The following VPS37A variants were observed in gnomAD, a reference collection of about 807,000 sequenced individuals.
VPS37A encodes VPS37A subunit of ESCRT-I, also known as vacuolar protein sorting-associated protein 37A.
In VPS37A, 30 loss-of-function variants were observed where a neutral mutation model predicts 49.8. The observed-to-expected ratio is 0.60, with a 90% confidence interval of 0.45 to 0.82. The LOEUF is 0.82. Ranked by LOEUF, VPS37A falls within the 40% of genes least tolerant of loss-of-function variation. The probability of loss-of-function intolerance (pLI) is 0.00; values close to 1 mark genes in which losing one functional copy is unlikely to be tolerated. For missense variants in VPS37A, 593 were observed against 464.4 expected (o/e 1.28, Z -2.55); for synonymous variants, 195 against 160.6 (o/e 1.21, Z -1.62).
At chr8:17,279,177 C>T (rs545945996) in intron 6 of VPS37A, among the ~76,000 whole-genome samples, 12 of 152,178 alleles carry the variant, frequency 7.9e-5, no homozygotes, top group African/African-American at 1.2e-4. Flanking sequence ...GCTTATGTGC[C>T]GTGTCTTACT....
downstream of VPS37A, chr8:17,299,970 G>A (rs146319076): frequency 8.1e-6 from 13 of 1,613,882 alleles, 1 homozygote; most frequent in South Asian, 7.7e-5. Flanking sequence ...CCTCCACCCC[G>A]GACTCTTGGT....
At chr8:17,306,032 C>A, downstream of VPS37A, 1 of 1,203,098 alleles carries the variant, frequency 8.3e-7, no homozygotes, top group South Asian at 1.5e-5. Flanking sequence ...GCAAAAACAA[C>A]CATAAAAGCA....
intron 2 of VPS37A, among the ~76,000 whole-genome samples, chr8:17,267,467 T>TTG (rs10688047): frequency 9.1e-4 from 138 of 151,308 alleles, no homozygotes; most frequent in African/African-American, 2.9e-3. Flanking sequence ...AAATTTCTGC[T>TTG]TGTGTGTGTG....
chr8:17,313,232 A>AT, the VPS37A span: 20 of 1,300,528 alleles, frequency 1.5e-5, no homozygotes, highest in African/African-American at 2.9e-4. Flanking sequence ...AGGGATACCC[A>AT]TTTTGAAGTC....
In VPS37A at chr8:17,268,267, T is replaced by G; in HGVS notation, c.210T>G (p.Pro70=). The change falls in exon 3 of 12, where the codon CCT becomes CCG. Residue 70 remains proline (P), a synonymous_variant. Transcript: ENST00000324849. ...GTTCTACCTCTACCAGATTGCTTCCTCCACAGTTTCCTCAGGAAAAACCAG... is the reference window on the plus strand; with the variant it reads ...GTTCTACCTCTACCAGATTGCTTCCGCCACAGTTTCCTCAGGAAAAACCAG... ...NLTININILL[P]PQFPQEKPVI... is the part of the protein sequence containing the mutation. 6.2e-7 allele frequency: 1 copy of G among 1,611,930 alleles called. No homozygotes were observed.
At chr8:17,316,198 T>TGGTACAGTTTG in the VPS37A span, among the ~76,000 whole-genome samples, 1 of 152,124 alleles carries the variant, frequency 6.6e-6, no homozygotes, top group Non-Finnish European at 1.5e-5. Flanking sequence ...ATGGTAATAA[T>TGGTACAGTTTG]AGCCTCTGTA....
intron 11 of VPS37A, among the ~76,000 whole-genome samples, chr8:17,294,370 G>A (rs1372093742): frequency 1.3e-5 from 2 of 152,180 alleles, no homozygotes; most frequent in Non-Finnish European, 2.9e-5. Flanking sequence ...TCAAGCCAGT[G>A]GATCTTAGCT....
At chr8:17,302,203 A>G (rs1184742600), downstream of VPS37A, 4 of 1,613,934 alleles carry the variant, frequency 2.5e-6, no homozygotes, top group Non-Finnish European at 3.4e-6. Context: ...TTCTTCCTTC[A>G]CTGCCATTAG....
chr8:17,310,490 C>T, the VPS37A span, among the ~76,000 whole-genome samples: 1 of 152,118 alleles, frequency 6.6e-6, no homozygotes, highest in Admixed American at 6.5e-5. Context: ...ATGATGGAAA[C>T]GCATGTGTGC....
In VPS37A at chr8:17,297,007, G is replaced by C. The variant is rs936635703; in HGVS notation, c.*2021G>C. The C allele has an allele frequency of 4.6e-5, 7 of 152,062 alleles. No individual in the cohort carries two copies. Among genetic ancestry groups the C allele is most frequent in the Non-Finnish European group, 5.9e-5 (4 of 67,978 alleles). The allele number at this position is 152,062 out of a possible 1,614,324, so 9.4% of individuals were successfully genotyped here. A position where few individuals can be genotyped will look rare whatever the true frequency, so the allele number is the denominator to read the frequency against. On this transcript the variant is annotated 3_prime_UTR_variant, in exon 12 of 12. Coordinates refer to ENST00000324849, the MANE Select transcript of VPS37A (RefSeq NM_152415.3). ...CATTTGAATATGCCCGTATGAATGT[G>C]GGTTCTGTTTTTGCAACAGAGATTA...
chr8:17,305,654 A>G, downstream of VPS37A: 2 of 972,014 alleles, frequency 2.1e-6, no homozygotes, highest in Non-Finnish European at 3.1e-6. Flanking sequence ...TAGGTATGTG[A>G]CTAAATGAAA....
the VPS37A span, among the ~76,000 whole-genome samples, chr8:17,327,437 A>ATT: frequency 4.2e-4 from 63 of 151,260 alleles, no homozygotes; most frequent in Admixed American, 3.2e-3. Flanking sequence ...CGCCTGGTTG[A>ATT]TTTTTTTTAT....
At chr8:17,332,611 C>T in the VPS37A span, among the ~76,000 whole-genome samples, 4 of 152,148 alleles carry the variant, frequency 2.6e-5, no homozygotes, top group South Asian at 2.1e-4. Context: ...GAGCTGCTGC[C>T]GCTGCTGCTG....
chr8:17,272,029 G>A (rs1331874057), intron 4 of VPS37A: 5 of 456,582 alleles, frequency 1.1e-5, no homozygotes, highest in Non-Finnish European at 2.2e-5. Flanking sequence ...CGCACTGCCT[G>A]GAAATCTCCT....
At chr8:17,305,730 A>T (rs1253999813), downstream of VPS37A, 1 of 1,555,742 alleles carries the variant, frequency 6.4e-7, no homozygotes, top group Non-Finnish European at 8.8e-7. Flanking sequence ...AATAAAAGTT[A>T]AACACCAAAA....
At chr8:17,248,261 C>CTTT (rs77478205) in intron 1 of VPS37A, 110 of 397,142 alleles carry the variant, frequency 2.8e-4, no homozygotes, top group East Asian at 1.1e-3. Flanking sequence ...TCCCTAACCC[C>CTTT]TTTTTTTTTT....
At chr8:17,323,413 G>A in the VPS37A span, among the ~76,000 whole-genome samples, 1 of 152,060 alleles carries the variant, frequency 6.6e-6, no homozygotes, top group South Asian at 2.1e-4. Flanking sequence ...AGGATGAACA[G>A]GAACCAAACT....
chr8:17,302,296 A>G (rs774878083), downstream of VPS37A: 4 of 1,611,672 alleles, frequency 2.5e-6, no homozygotes, highest in African/African-American at 1.3e-5. Context: ...AAGGATGGCA[A>G]AGCGTCGTGA....
the VPS37A span, among the ~76,000 whole-genome samples, chr8:17,312,147 A>C: frequency 6.6e-6 from 1 of 152,268 alleles, no homozygotes; most frequent in East Asian, 1.9e-4. Flanking sequence ...TAAGAAAAGA[A>C]TATCTATTTG....
Sources: allele counts gnomAD v4.1 joint callset (sites outside exome capture counted in the v4.1 genomes callset), GRCh38; gene constraint gnomAD v4.1.1; transcripts MANE v1.5; gene names NCBI Gene and HGNC (gene_info 2026-07-23, HGNC 2026-07-21).